The following TMEM108 variants were observed in gnomAD, a reference collection of about 807,000 sequenced individuals.
TMEM108 encodes cancer/testis antigen 124.
A neutral mutation model predicts 35.1 loss-of-function variants in TMEM108; 12 were observed. The ratio of observed to expected loss-of-function variants is 0.34; its 90% CI spans 0.22 to 0.55. The LOEUF (loss-of-function observed/expected upper bound fraction) is 0.55. Ranked by LOEUF, TMEM108 falls within the 20% of genes least tolerant of loss-of-function variation. The probability of loss-of-function intolerance (pLI) is 0.89; values close to 1 mark genes in which losing one functional copy is unlikely to be tolerated. For synonymous variants in TMEM108, 287 were observed against 308.6 expected (o/e 0.93, Z 0.73); for missense variants, 680 against 753.3 (o/e 0.90, Z 1.14).
At chr3:133,172,548 G>A (rs1945145535) in intron 2 of TMEM108, among the ~76,000 whole-genome samples, 1 of 152,176 alleles carries the variant, frequency 6.6e-6, no homozygotes, top group African/African-American at 2.4e-5. Flanking sequence ...GTTGCATGGT[G>A]CTTTTGGGCA....
chr3:133,276,829 G>A (rs534589612), intron 3 of TMEM108, among the ~76,000 whole-genome samples: 4 of 152,242 alleles, frequency 2.6e-5, no homozygotes, highest in African/African-American at 9.6e-5. Context: ...AAGTGGCTTC[G>A]GCTTCTGTAA....
At chr3:133,212,634 A>G (rs1202936655) in intron 2 of TMEM108, among the ~76,000 whole-genome samples, 5 of 152,114 alleles carry the variant, frequency 3.3e-5, no homozygotes, top group Non-Finnish European at 5.9e-5. Flanking sequence ...TGGGAGGCCA[A>G]GGCAGGTGGA....
At chr3:133,189,401 C>T (rs997775407) in intron 2 of TMEM108, among the ~76,000 whole-genome samples, 2 of 152,078 alleles carry the variant, frequency 1.3e-5, no homozygotes, top group Non-Finnish European at 2.9e-5. Flanking sequence ...GAGTAAATGC[C>T]AACTGTTCAT....
At chr3:133,168,281 T>C (rs1945074140) in intron 2 of TMEM108, among the ~76,000 whole-genome samples, 1 of 152,170 alleles carries the variant, frequency 6.6e-6, no homozygotes, top group African/African-American at 2.4e-5. Context: ...GACTGGGTAA[T>C]TTATAAGGAA....
chr3:133,049,087 C>T (rs1289188766), intron 2 of TMEM108, among the ~76,000 whole-genome samples: 3 of 152,144 alleles, frequency 2.0e-5, no homozygotes, highest in Admixed American at 6.5e-5. Flanking sequence ...TGGTTTCTGA[C>T]GTAGTTACTT....
chr3:133,122,691 G>A (rs185904374), intron 2 of TMEM108, among the ~76,000 whole-genome samples: 17 of 151,838 alleles, frequency 1.1e-4, no homozygotes, highest in East Asian at 1.9e-4. Context: ...GTGAAACCCC[G>A]TCTCTACTAA....
rs150554568 is a variant in TMEM108 at position 133,199,706 on chromosome 3, T to A, written c.-46-29560T>A. Among the ~76,000 whole-genome samples, 226 of 152,066 alleles carry A rather than the reference T, an allele frequency of 1.5e-3. 2 individuals are homozygous for A. Among genetic ancestry groups the A allele is most frequent in the African/African-American group, 5.2e-3 (214 of 41,492 alleles). On this transcript the variant is annotated intron_variant, in intron 2 of 5. Transcript: ENST00000321871. Reference sequence around the variant, plus strand: ...GTGTCAGTCGGCCTCTACTGGGAGGTGCCTCCCAGTACCCCACTTGAGGAG... The same window carrying A: ...GTGTCAGTCGGCCTCTACTGGGAGGAGCCTCCCAGTACCCCACTTGAGGAG...
At position 133,169,201 on chromosome 3, in the gene TMEM108, C is replaced by G. The variant is rs547755311; in HGVS notation, c.-46-60065C>G. On this transcript the variant is annotated intron_variant, in intron 2 of 5. Coordinates refer to ENST00000321871, the MANE Select transcript of TMEM108 (RefSeq NM_023943.4). ...CTCTTAAAGGTCCCACTTCTCAACA[C>G]TGTTACATTGGGGATTAAGTTTCCA... Among the ~76,000 whole-genome samples the G allele has an allele frequency of 3.5e-4, 54 of 152,342 alleles. 1 individual carries two copies. Among genetic ancestry groups the G allele is most frequent in the African/African-American group, 1.2e-3 (51 of 41,580 alleles).
At chr3:133,258,688 C>T (rs1339352501) in intron 3 of TMEM108, among the ~76,000 whole-genome samples, 2 of 143,416 alleles carry the variant, frequency 1.4e-5, no homozygotes, top group Non-Finnish European at 3.2e-5. Context: ...ACTGTATCCA[C>T]TCTGACTCAG....
chr3:133,369,628 A>G (rs1264267880), intron 3 of TMEM108, among the ~76,000 whole-genome samples: 2 of 152,262 alleles, frequency 1.3e-5, no homozygotes, highest in African/African-American at 4.8e-5. Context: ...ATCAGGAAAT[A>G]TAGACAGATA....
intron 3 of TMEM108, among the ~76,000 whole-genome samples, chr3:133,284,094 G>C (rs1013618332): frequency 9.2e-5 from 14 of 152,180 alleles, no homozygotes; most frequent in Non-Finnish European, 2.1e-4. Flanking sequence ...TCAGAGGAGG[G>C]TGTAGCTTGC....
rs16840241 is a variant in TMEM108, at chr3:133,345,221, A to T, written c.41-34531A>T. 9.2e-3 allele frequency among the ~76,000 whole-genome samples: 1,391 copies of T among 152,002 alleles called. 20 individuals carry two copies. The highest frequency in any genetic ancestry group is 0.03 in the African/African-American group (1,258 of 41,554). ...GTTTTGTCAAATTATATACATCAAGATCAAATGAAGTTTATTCTAAGAATG... is the reference window on the plus strand; with the variant it reads ...GTTTTGTCAAATTATATACATCAAGTTCAAATGAAGTTTATTCTAAGAATG... On this transcript the variant is annotated intron_variant, in intron 3 of 5. Transcript: ENST00000321871.
intron 2 of TMEM108, among the ~76,000 whole-genome samples, chr3:133,100,995 T>C (rs1373584474): frequency 1.3e-5 from 2 of 149,636 alleles, no homozygotes; most frequent in Non-Finnish European, 2.9e-5. Flanking sequence ...ATTAAGAACA[T>C]TTCCTCATTG....
At chr3:133,393,930 C>T (rs900973078) in intron 5 of TMEM108, among the ~76,000 whole-genome samples, 10 of 152,198 alleles carry the variant, frequency 6.6e-5, no homozygotes, top group African/African-American at 1.7e-4. Context: ...CCCAGCCAGT[C>T]GTGATCTTCA....
At chr3:133,229,117 A>G (rs1207057417) in intron 2 of TMEM108, 149 bp from the exon 3 acceptor site, 3 of 536,736 alleles carry the variant, frequency 5.6e-6, no homozygotes, top group African/African-American at 2.0e-5. Context: ...ACCATTGTAA[A>G]TTAAACTGTG....
intron 3 of TMEM108, among the ~76,000 whole-genome samples, chr3:133,315,326 A>G (rs1386434499): frequency 6.6e-6 from 1 of 152,214 alleles, no homozygotes; most frequent in African/African-American, 2.4e-5. Context: ...GTCCTGCTTT[A>G]TAGGTCCCTG....
At chr3:133,190,095 G>GAAAAAAAAAAA (rs11434501) in intron 2 of TMEM108, among the ~76,000 whole-genome samples, 1 of 150,038 alleles carries the variant, frequency 6.7e-6, no homozygotes, top group Non-Finnish European at 1.5e-5. Context: ...GCACTGCAAG[G>GAAAAAAAAAAA]AAAAAAAAAA....
chr3:133,142,061 C>T (rs910288593), intron 2 of TMEM108, among the ~76,000 whole-genome samples: 2 of 152,134 alleles, frequency 1.3e-5, no homozygotes, highest in Non-Finnish European at 2.9e-5. Flanking sequence ...TAGCACTCCC[C>T]TTCCCCATCA....
intron 2 of TMEM108, among the ~76,000 whole-genome samples, chr3:133,054,745 C>T (rs539296130): frequency 1.3e-5 from 2 of 152,286 alleles, no homozygotes; most frequent in South Asian, 4.2e-4. Context: ...GAATGATGGT[C>T]CTGGCTCTAT....
Sources: gnomAD v4.1 joint callset for allele counts (sites outside exome capture counted in the v4.1 genomes callset) on GRCh38, gnomAD v4.1.1 for gene constraint, MANE v1.5 for transcripts, NCBI Gene and HGNC (gene_info 2026-07-23, HGNC 2026-07-21) for gene names.